MGA: variants seen among roughly 807,000 people sequenced by gnomAD.
MGA encodes MAX gene-associated protein.
In MGA, 40 loss-of-function variants were observed where a neutral mutation model predicts 261.1. The ratio of observed to expected loss-of-function variants is 0.15; its 90% CI spans 0.12 to 0.20. MGA has a LOEUF of 0.20. MGA is among the 10% of genes least tolerant of loss of function. The pLI is 1.00. For synonymous variants in MGA, 1,302 were observed against 1,290.6 expected, an observed-to-expected ratio of 1.01 and a Z score of -0.19; for missense variants, 3,397 against 3,630.5, an observed-to-expected ratio of 0.94 and a Z score of 1.65.
chr15:41,681,498 C>T (rs1358068353), intron 2 of MGA, among the ~76,000 whole-genome samples: 2 of 151,796 alleles, frequency 1.3e-5, no homozygotes, highest in African/African-American at 4.8e-5. Flanking sequence ...GTTGCCCAGG[C>T]TGGAGTGTAG....
chr15:41,650,777 T>C (rs372454381), intron 1 of MGA, among the ~76,000 whole-genome samples: 14 of 152,284 alleles, frequency 9.2e-5, no homozygotes, highest in African/African-American at 3.1e-4. Flanking sequence ...AAATATTTGA[T>C]AGTGCAGAGT....
chr15:41,704,333 TA>T (rs534869856), intron 5 of MGA, among the ~76,000 whole-genome samples: 374 of 143,724 alleles, frequency 2.6e-3, no homozygotes, highest in Middle Eastern at 3.6e-3. Flanking sequence ...TGCCCTGCAG[TA>T]AAAAAAAAAA....
At chr15:41,730,373 A>G (rs1266706708) in intron 11 of MGA, among the ~76,000 whole-genome samples, 3 of 152,100 alleles carry the variant, frequency 2.0e-5, no homozygotes, top group African/African-American at 7.2e-5. Flanking sequence ...CAGGAGGCCA[A>G]GGTTGCACTG....
At chr15:41,662,042 G>T (rs968338752) in intron 1 of MGA, among the ~76,000 whole-genome samples, 1 of 152,062 alleles carries the variant, frequency 6.6e-6, no homozygotes, top group African/African-American at 2.4e-5. Context: ...AGTCGACGGC[G>T]TCTGCTCCTC....
In MGA at chr15:41,745,281, TAAAA is replaced by T. The variant is rs71108126; in HGVS notation, c.5212+2132_5212+2135del. The stretch of plus-strand genomic sequence containing the variant: ...GCGAGAAACACCCAAGAATGATCAA[TAAAA>T]AAAAAAAAAAAAAAAAAAAAAAGAG... On this transcript the variant is annotated intron_variant, in intron 15 of 23. Coordinates refer to ENST00000219905, the MANE Select transcript of MGA (RefSeq NM_001164273.2). Among the ~76,000 whole-genome samples the T allele has an allele frequency of 3.3e-4, 11 of 33,224 alleles. No individual in the cohort carries two copies. The East Asian group carries it at 6.5e-3, about 20-fold the overall frequency. The allele number at this position is 33,224 out of a possible 152,430, so 21.8% of individuals were successfully genotyped here.
At chr15:41,752,932 A>G (rs1200351334) in intron 17 of MGA, among the ~76,000 whole-genome samples, 2 of 152,080 alleles carry the variant, frequency 1.3e-5, no homozygotes, top group South Asian at 4.1e-4. Flanking sequence ...AACAAGTTAT[A>G]CTGACTTTTT....
chr15:41,633,386 C>A (rs1407159212), intron 1 of MGA, among the ~76,000 whole-genome samples: 1 of 145,548 alleles, frequency 6.9e-6, no homozygotes, highest in Non-Finnish European at 1.5e-5. Flanking sequence ...CAGAGTCTTG[C>A]TCTGTTGCCC....
chr15:41,710,889 A>G lies in MGA; in HGVS notation c.2624A>G (p.Gln875Arg). 3 of 1,613,934 alleles carry G rather than the reference A, an allele frequency of 1.9e-6. No individual in the cohort carries two copies. The South Asian group carries it at 3.3e-5, about 18-fold the overall frequency. The stretch of plus-strand genomic sequence containing the variant: ...ACACTTGATAGTGTACTAAAGAAGC[A>G]ATCTACTATTTCCCCTTCTACCTCT... Residue 875 changes from glutamine to arginine, a missense_variant, in exon 8 of 24, where the codon CAA becomes CGA. Coordinates refer to ENST00000219905, the MANE Select transcript of MGA (RefSeq NM_001164273.2).
In MGA at chr15:41,698,494, G is replaced by C. The variant is rs146817809; in HGVS notation, c.2014-369G>C. The stretch of plus-strand genomic sequence containing the variant: ...TTCTTAATTGACTACACAGATGTTG[G>C]ATATTTAATCCCTTCTACCTGTTCT... On this transcript the variant is annotated intron_variant, in intron 3 of 23. Coordinates refer to ENST00000219905, the MANE Select transcript of MGA (RefSeq NM_001164273.2). Among the ~76,000 whole-genome samples, 545 of 152,226 alleles carry C rather than the reference G, an allele frequency of 3.6e-3. 5 individuals are homozygous for C. Among genetic ancestry groups the C allele is most frequent in the Admixed American group, 9.9e-3 (152 of 15,288 alleles).
At chr15:41,706,223 TGA>T (rs2060103230) in intron 5 of MGA, among the ~76,000 whole-genome samples, 1 of 136,620 alleles carries the variant, frequency 7.3e-6, no homozygotes, top group Non-Finnish European at 1.5e-5. Flanking sequence ...GGCAACAGAG[TGA>T]GACTCCATCT....
intron 2 of MGA, among the ~76,000 whole-genome samples, chr15:41,675,196 T>G (rs1013263216): frequency 6.6e-6 from 1 of 152,254 alleles, no homozygotes; most frequent in Non-Finnish European, 1.5e-5. Flanking sequence ...AGGCATACTT[T>G]TAGTAGACAC....
intron 5 of MGA, 64 bp from the exon 6 acceptor site, chr15:41,707,664 A>G: frequency 6.8e-7 from 1 of 1,464,706 alleles, no homozygotes; most frequent in Admixed American, 2.3e-5. Flanking sequence ...AGTTAAAAAC[A>G]AAGAAGGGAG....
rs1399805834 is a variant in MGA, at chr15:41,711,373, G to A, written c.3084+24G>A. 3 of 1,556,328 alleles carry A rather than the reference G, an allele frequency of 1.9e-6. No homozygotes were observed. In the Admixed American group the frequency reaches 5.9e-5, roughly 31 times the overall value. On this transcript the variant is annotated intron_variant, in intron 8 of 23. Transcript: ENST00000219905. ...AAGTAAGTAGCTGCTGTTTTCTGGA[G>A]GTATATTAGTGCTTGGCTAGAAAGA...
chr15:41,743,268 G>A, intron 15 of MGA, 96 bp downstream of exon 15: 2 of 1,355,336 alleles, frequency 1.5e-6, no homozygotes, highest in African/African-American at 1.5e-5. Context: ...CAGGATAACA[G>A]TATAGGTATT....
chr15:41,645,555 G>A (rs1263421469), intron 1 of MGA, among the ~76,000 whole-genome samples: 2 of 152,208 alleles, frequency 1.3e-5, no homozygotes, highest in African/African-American at 2.4e-5. Context: ...CTGCACTCCA[G>A]CCTGGGCTAC....
At chr15:41,624,857 A>T (rs2056407410) in intron 1 of MGA, among the ~76,000 whole-genome samples, 1 of 152,208 alleles carries the variant, frequency 6.6e-6, no homozygotes, top group South Asian at 2.1e-4. Context: ...TTGAAATAGA[A>T]TGAGGCCAGG....
intron 1 of MGA, among the ~76,000 whole-genome samples, chr15:41,641,849 G>A (rs887941241): frequency 6.6e-6 from 1 of 151,698 alleles, no homozygotes; most frequent in East Asian, 1.9e-4. Context: ...AGGCTGGTGT[G>A]CAGTGGTGCA....
In MGA at chr15:41,767,421, G is replaced by T. The variant is rs190676540; in HGVS notation, c.*141G>T. ...CAGTGGATAATGATGGGAGAAAGGG[G>T]GTAGGGTGCTGACCCTGGTATAAGA... On this transcript the variant is annotated 3_prime_UTR_variant, in exon 24 of 24. Transcript: ENST00000219905. The T allele has an allele frequency of 3.0e-3, 2,580 of 871,560 alleles. 9 individuals are homozygous for T. The highest frequency in any genetic ancestry group is 4.0e-3 in the Non-Finnish European group (2,279 of 572,322). 54.0% of individuals were successfully genotyped at this position (871,560 alleles called of 1,614,324 possible).
intron 9 of MGA, chr15:41,718,310 TATATATATATAC>T (rs1318170036): frequency 3.7e-5 from 9 of 240,550 alleles, no homozygotes; most frequent in Non-Finnish European, 5.5e-5. Flanking sequence ...TGTATATATA[TATATATATATAC>T]ATATATATAT....
Sources: allele counts gnomAD v4.1 joint callset (sites outside exome capture counted in the v4.1 genomes callset), GRCh38; gene constraint gnomAD v4.1.1; transcripts MANE v1.5; gene names NCBI Gene and HGNC (gene_info 2026-07-23, HGNC 2026-07-21).